MYLK4: variants seen among roughly 807,000 people sequenced by gnomAD.
MYLK4 encodes the protein caMLCK like.
In MYLK4, 46 loss-of-function variants were observed where a neutral mutation model predicts 48.1. The observed-to-expected ratio is 0.96, with a 90% confidence interval of 0.75 to 1.22. The LOEUF is 1.22. Ranked by LOEUF, MYLK4 falls within the 50% of genes most tolerant of loss-of-function variation. MYLK4 has a pLI of 0.00. For missense variants in MYLK4, 451 were observed against 486.1 expected (o/e 0.93, Z 0.68); for synonymous variants, 170 against 180.8 (o/e 0.94, Z 0.48).
At chr6:2,688,644 G>A (rs1056279867) in intron 4 of MYLK4, among the ~76,000 whole-genome samples, 1 of 112,250 alleles carries the variant, frequency 8.9e-6, no homozygotes, top group African/African-American at 3.4e-5. Context: ...ATTACAACAT[G>A]GGAAGTAAAG....
chr6:2,738,905 T>C lies in MYLK4; in HGVS notation c.159+10231A>G, dbSNP rs564333101. On this transcript the variant is annotated intron_variant, in intron 2 of 12. Coordinates refer to ENST00000274643, the MANE Select transcript of MYLK4 (RefSeq NM_001012418.5). ...CAAGAGTGAACCCTAATGTGAACCA[T>C]GGACTCTGAGTGATAATGATATGTT... 3.3e-5 allele frequency among the ~76,000 whole-genome samples: 5 copies of C among 152,340 alleles called. No individual in the cohort carries two copies. The East Asian group carries it at 7.7e-4, about 23-fold the overall frequency.
chr6:2,750,077 C>T (rs1446468320), intron 1 of MYLK4, among the ~76,000 whole-genome samples: 3 of 152,098 alleles, frequency 2.0e-5, no homozygotes, highest in African/African-American at 7.2e-5. Flanking sequence ...GACATATACG[C>T]ATGTCTATAT....
chr6:2,740,207 GAGA>G (rs1443952638), intron 2 of MYLK4, among the ~76,000 whole-genome samples: 2 of 152,196 alleles, frequency 1.3e-5, no homozygotes, highest in Non-Finnish European at 2.9e-5. Context: ...GGCTGACAGT[GAGA>G]CTTTAAAGGC....
intron 2 of MYLK4, among the ~76,000 whole-genome samples, chr6:2,693,947 C>T (rs950685619): frequency 6.6e-5 from 10 of 152,040 alleles, no homozygotes; most frequent in East Asian, 3.9e-4. Context: ...TCAGTAGAGA[C>T]GGGGTTTTGC....
the MYLK4 span, among the ~76,000 whole-genome samples, chr6:2,765,197 CCT>C: frequency 5.7e-5 from 5 of 88,018 alleles, no homozygotes; most frequent in Non-Finnish European, 1.3e-4. Flanking sequence ...CCCCCCCGCC[CCT>C]CCCCCGCCCC....
chr6:2,765,772 C>A, the MYLK4 span: 2 of 1,461,706 alleles, frequency 1.4e-6, no homozygotes, highest in Admixed American at 2.3e-5. Flanking sequence ...ACGCGGAGCC[C>A]GCGGCCGGGT....
the MYLK4 span, chr6:2,766,131 G>A: frequency 3.2e-6 from 4 of 1,241,228 alleles, no homozygotes; most frequent in Non-Finnish European, 4.1e-6. Context: ...GAGGCCGTGG[G>A]CGACGGCGAT....
chr6:2,694,380 C>T (rs867066726), intron 2 of MYLK4, among the ~76,000 whole-genome samples: 3 of 150,228 alleles, frequency 2.0e-5, no homozygotes, highest in Non-Finnish European at 4.4e-5. Flanking sequence ...GTCAATTTCC[C>T]ACTAGACTGT....
In MYLK4 at chr6:2,664,368, C is replaced by T. The variant is rs943660218; in HGVS notation, c.*3557G>A. 3 of 152,296 alleles carry T rather than the reference C, an allele frequency of 2.0e-5. No individual in the cohort carries two copies. The highest frequency in any genetic ancestry group is 1.9e-4 in the East Asian group (1 of 5,178). 9.4% of individuals were successfully genotyped at this position (152,296 alleles called of 1,614,324 possible). A position where few individuals can be genotyped will look rare whatever the true frequency, so the allele number is the denominator to read the frequency against. ...CCAGGGGACAGGAAAGAACCGAGTC[C>T]GAGGACCACAGCCCTCCAGGGGCCT... is the stretch of plus-strand genomic sequence containing the variant. On this transcript the variant is annotated 3_prime_UTR_variant, in exon 13 of 13. Transcript: ENST00000274643.
At chr6:2,695,806 G>C (rs957712597) in intron 2 of MYLK4, among the ~76,000 whole-genome samples, 2 of 152,178 alleles carry the variant, frequency 1.3e-5, no homozygotes, top group African/African-American at 2.4e-5. Flanking sequence ...GTTATGCCTA[G>C]AAGTTGCTAA....
chr6:2,670,571 T>G (rs1417383145), intron 12 of MYLK4, among the ~76,000 whole-genome samples: 1 of 152,196 alleles, frequency 6.6e-6, no homozygotes, highest in Non-Finnish European at 1.5e-5. Flanking sequence ...TAAGTACATG[T>G]GCCTCTTAGT....
At chr6:2,699,287 CTTTTTTTTTTTT>C (rs56959282) in intron 2 of MYLK4, among the ~76,000 whole-genome samples, 1 of 77,894 alleles carries the variant, frequency 1.3e-5, no homozygotes, top group South Asian at 5.4e-4. Context: ...CTTTTCTTTT[CTTTTTTTTTTTT>C]TTTTTTTTTT....
At position 2,692,730 on chromosome 6, in the gene MYLK4, T is replaced by A; in HGVS notation, c.235+54A>T. On this transcript the variant is annotated intron_variant, in intron 3 of 12. Coordinates refer to ENST00000274643, the MANE Select transcript of MYLK4 (RefSeq NM_001012418.5). ...AACTTCCTCTGAATAACAACAGGAC[T>A]TTTATAACGGAACTTTCTTCATCCA... The A allele has an allele frequency of 2.6e-6, 4 of 1,533,840 alleles. No individual in the cohort carries two copies. In the South Asian group the frequency reaches 3.4e-5, roughly 13 times the overall value.
At chr6:2,762,650 C>T in the MYLK4 span, among the ~76,000 whole-genome samples, 1 of 152,204 alleles carries the variant, frequency 6.6e-6, no homozygotes, top group Non-Finnish European at 1.5e-5. Context: ...CTTATGTGCT[C>T]GCAGTCAATG....
intron 2 of MYLK4, among the ~76,000 whole-genome samples, chr6:2,702,453 T>C (rs1762321295): frequency 6.6e-6 from 1 of 152,108 alleles, no homozygotes; most frequent in South Asian, 2.1e-4. Context: ...GTGTCTAGCA[T>C]AGTTCTTACA....
At chr6:2,679,177 T>C in intron 9 of MYLK4, 103 bp downstream of exon 9, 2 of 1,393,722 alleles carry the variant, frequency 1.4e-6, no homozygotes, top group Non-Finnish European at 2.0e-6. Flanking sequence ...CAGTGTTATT[T>C]ATTTTTTAAA....
In MYLK4 at chr6:2,725,798, C is replaced by T. The variant is rs188883611; in HGVS notation, c.159+23338G>A. ...AGAATATACATCAGAATTCAAAGTA[C>T]GTCCAAATTTAACATTTTTAAAAAT... On this transcript the variant is annotated intron_variant, in intron 2 of 12. Coordinates refer to ENST00000274643, the MANE Select transcript of MYLK4 (RefSeq NM_001012418.5). 2.0e-4 allele frequency among the ~76,000 whole-genome samples: 30 copies of T among 152,268 alleles called. No homozygotes were observed. In the East Asian group the frequency reaches 4.2e-3, roughly 22 times the overall value.
intron 4 of MYLK4, among the ~76,000 whole-genome samples, chr6:2,686,932 A>G (rs73350411): frequency 0.013 from 2,015 of 152,264 alleles, 44 homozygotes; most frequent in African/African-American, 0.047. Flanking sequence ...AGTGGTGCCC[A>G]TCACTGTCTG....
At chr6:2,730,351 A>G (rs1763434471) in intron 2 of MYLK4, among the ~76,000 whole-genome samples, 1 of 152,224 alleles carries the variant, frequency 6.6e-6, no homozygotes, top group Non-Finnish European at 1.5e-5. Context: ...AGAATTGTCC[A>G]GCATAGCGGG....
Sources: allele counts gnomAD v4.1 joint callset (sites outside exome capture counted in the v4.1 genomes callset), GRCh38; gene constraint gnomAD v4.1.1; transcripts MANE v1.5; gene names NCBI Gene and HGNC (gene_info 2026-07-23, HGNC 2026-07-21).